Variants in PARP3 observed in about 807,000 individuals in gnomAD.
PARP3 encodes poly(ADP-ribose) polymerase family member 3.
In PARP3, 46 loss-of-function variants were observed where a neutral mutation model predicts 58.2. The ratio of observed to expected loss-of-function variants is 0.79; its 90% CI spans 0.62 to 1.01. The LOEUF is 1.01. Ranked by LOEUF, PARP3 falls within the 50% of genes least tolerant of loss-of-function variation. PARP3 has a pLI of 0.00. For synonymous variants in PARP3, 252 were observed against 266.4 expected (o/e 0.95, Z 0.53); for missense variants, 663 against 683.9 (o/e 0.97, Z 0.34).
In PARP3 at chr3:51,948,569, T is replaced by G; in HGVS notation, c.*89T>G. 8.7e-7 allele frequency: 1 copy of G among 1,144,464 alleles called. No individual in the cohort carries two copies. Among genetic ancestry groups the G allele is most frequent in the Non-Finnish European group, 1.3e-6 (1 of 789,372 alleles). The allele number at this position is 1,144,464 out of a possible 1,614,324, so 70.9% of individuals were successfully genotyped here. ...CTCTGGTACCCCTATATCACTCCTT[T>G]TTTTCAAGAATACAATACGTTGTTG... On this transcript the variant is annotated 3_prime_UTR_variant, in exon 11 of 11. Coordinates refer to ENST00000398755, the MANE Select transcript of PARP3 (RefSeq NM_001003931.4).
Position 51,945,848 on chromosome 3 carries a change from C to G in PARP3, c.1012-5C>G. On this transcript the variant is annotated splice_region_variant and splice_polypyrimidine_tract_variant and intron_variant, in intron 7 of 10. Transcript: ENST00000398755. ...CCTGGCAACCAGCTTCTGCTCTCCCCACAGGTGATACAGACCTACTTAGAA... is the reference window on the plus strand; with the variant it reads ...CCTGGCAACCAGCTTCTGCTCTCCCGACAGGTGATACAGACCTACTTAGAA... 1 of 1,613,166 alleles carries G rather than the reference C, an allele frequency of 6.2e-7. No individual in the cohort carries two copies. The highest frequency in any genetic ancestry group is 2.2e-5 in the East Asian group (1 of 44,870).
rs764962382 is a variant in PARP3 at position 51,943,457 on chromosome 3, GGCCCTCAAGGCCATACCCGCAGAGAA to G, written c.105_130del (p.Leu36HisfsTer20). ...AGGACCCCTTCCGCTCCACCGCTGAGGCCCTCAAGGCCATACCCGCAGAGAAGCGCATAATCCGCGTGGATCCAACA... is the reference window on the plus strand; with the variant it reads ...AGGACCCCTTCCGCTCCACCGCTGAGGCGCATAATCCGCGTGGATCCAACA... On this transcript the variant is annotated frameshift_variant, in exon 2 of 11. Transcript: ENST00000398755. LOFTEE classifies it high-confidence loss of function. 1 of 1,609,666 alleles carries G rather than the reference GGCCCTCAAGGCCATACCCGCAGAGAA, an allele frequency of 6.2e-7. No individual in the cohort carries two copies. The highest frequency in any genetic ancestry group is 8.5e-7 in the Non-Finnish European group (1 of 1,178,594).
Position 51,946,605 on chromosome 3 carries a change from G to T in PARP3, c.1276+262G>T, listed in dbSNP as rs556549920. Among the ~76,000 whole-genome samples the T allele has an allele frequency of 6.6e-6, 1 of 152,204 alleles. No homozygotes were observed. Among genetic ancestry groups the T allele is most frequent in the East Asian group, 1.9e-4 (1 of 5,174 alleles). On this transcript the variant is annotated intron_variant, in intron 9 of 10. Transcript: ENST00000398755. The surrounding 1 kb of genome is among the most constrained non-coding windows in gnomAD (Gnocchi z 4.6). ...AGACCTGGGAGGGGGTAAAAGGGGA[G>T]CCTTTGAGCCAGGTGTGGTGGCATA...
At position 51,946,254 on chromosome 3, in the gene PARP3, C is replaced by CTAGTGGGCTCCG; in HGVS notation, c.1188_1199dup (p.Ser397_Arg400dup). 6 of 1,614,096 alleles carry CTAGTGGGCTCCG rather than the reference C, an allele frequency of 3.7e-6. No homozygotes were observed. Among genetic ancestry groups the CTAGTGGGCTCCG allele is most frequent in the Non-Finnish European group, 5.1e-6 (6 of 1,179,974 alleles). On this transcript the variant is annotated inframe_insertion, in exon 9 of 11. Coordinates refer to ENST00000398755, the MANE Select transcript of PARP3 (RefSeq NM_001003931.4). This position sits in a 1 kb window ranked among gnomAD's most constrained non-coding sequence, Gnocchi z 4.6. ...ATGGCCGTGGTGGCCGCCATCCTCA[C>CTAGTGGGCTCCG]TAGTGGGCTCCGCATCATGCCACAT...
chr3:51,942,680 G>A lies in PARP3; in HGVS notation c.-31G>A, dbSNP rs1350459161. 3.3e-6 allele frequency: 5 copies of A among 1,527,598 alleles called. No individual in the cohort carries two copies. In the South Asian group the frequency reaches 3.6e-5, roughly 11 times the overall value. 94.6% of individuals were successfully genotyped at this position (1,527,598 alleles called of 1,614,324 possible). On this transcript the variant is annotated 5_prime_UTR_variant, in exon 1 of 11. Transcript: ENST00000398755. ...CACAACCAGGCCGGGTGGCAGCCAG[G>A]ACCTCTCCCATGTCCCTGCTTTTCT...
intron 1 of PARP3, chr3:51,942,911 T>G (rs1699578385): frequency 1.4e-6 from 2 of 1,417,490 alleles, no homozygotes; most frequent in Non-Finnish European, 9.2e-7. Flanking sequence ...CAGGATCCTC[T>G]GCCCACCCTC....
Position 51,946,049 on chromosome 3 carries a change from G to C in PARP3, c.1098+110G>C. 4.4e-6 allele frequency: 6 copies of C among 1,351,502 alleles called. No individual in the cohort carries two copies. Among genetic ancestry groups the C allele is most frequent in the Non-Finnish European group, 6.3e-6 (6 of 953,920 alleles). The allele number at this position is 1,351,502 out of a possible 1,614,324, so 83.7% of individuals were successfully genotyped here. A position where few individuals can be genotyped will look rare whatever the true frequency, so the allele number is the denominator to read the frequency against. ...TTAGCAGCTCTGGTCAGTTTCTGCC[G>C]GCCATGAGTGCGCGTGAGTAAGCAG... On this transcript the variant is annotated intron_variant, in intron 8 of 10. Transcript: ENST00000398755. The surrounding 1 kb of genome is among the most constrained non-coding windows in gnomAD (Gnocchi z 4.6).
Position 51,942,373 on chromosome 3 carries a change from C to T in PARP3, c.-338C>T. The stretch of plus-strand genomic sequence containing the variant: ...TCCGGGCCCAAGGTCACCGCGCGAC[C>T]GGCAGATGCGTGCTGCAGGCCCCGG... On this transcript the variant is annotated 5_prime_UTR_variant, in exon 1 of 11. Transcript: ENST00000398755. The T allele has an allele frequency of 5.7e-6, 3 of 527,810 alleles. No homozygotes were observed. Among genetic ancestry groups the T allele is most frequent in the Non-Finnish European group, 1.0e-5 (3 of 291,370 alleles). 32.7% of individuals were successfully genotyped at this position (527,810 alleles called of 1,614,324 possible).
At chr3:51,945,982 T>A (rs375151260) in intron 8 of PARP3, 43 bp downstream of exon 8, 2 of 1,535,266 alleles carry the variant, frequency 1.3e-6, no homozygotes, top group African/African-American at 2.7e-5. Context: ...CCACTGTGCC[T>A]TAGGAAGATG....
In PARP3 at chr3:51,946,094, C is replaced by G. The variant is rs899815903; in HGVS notation, c.1099-72C>G. On this transcript the variant is annotated intron_variant, in intron 8 of 10. Transcript: ENST00000398755. This position sits in a 1 kb window ranked among gnomAD's most constrained non-coding sequence, Gnocchi z 4.6. ...AAGCAGAGGGACACTAGGCCTTGGT[C>G]ACAAGCAGCAGGGCAAGGCGACTGA... 36 of 1,450,864 alleles carry G rather than the reference C, an allele frequency of 2.5e-5. No individual in the cohort carries two copies. The highest frequency in any genetic ancestry group is 3.3e-5 in the Non-Finnish European group (35 of 1,050,090). 89.9% of individuals were successfully genotyped at this position (1,450,864 alleles called of 1,614,324 possible). A position where few individuals can be genotyped will look rare whatever the true frequency, so the allele number is the denominator to read the frequency against.
At chr3:51,943,640 G>GC in intron 2 of PARP3, 102 bp downstream of exon 2, 2 of 1,111,090 alleles carry the variant, frequency 1.8e-6, no homozygotes, top group Non-Finnish European at 2.6e-6. Context: ...GGAGCCCAAG[G>GC]CCCCCAGGTA....
intron 7 of PARP3, 72 bp downstream of exon 7, chr3:51,945,716 C>T: frequency 1.7e-5 from 27 of 1,561,116 alleles, no homozygotes; most frequent in Non-Finnish European, 2.2e-5. Flanking sequence ...CCTCGAGGTG[C>T]CCAGAGGAAT....
In PARP3 at chr3:51,944,529, C is replaced by G; in HGVS notation, c.452C>G (p.Thr151Arg). 1.2e-6 allele frequency: 2 copies of G among 1,614,224 alleles called. No individual in the cohort carries two copies. Among genetic ancestry groups the G allele is most frequent in the East Asian group, 4.5e-5 (2 of 44,894 alleles). The change falls in exon 4 of 11, where the codon ACA (threonine) becomes AGA (arginine). Residue 151 changes from threonine (T) to arginine (R), a missense_variant. Around this residue, in one of 3 missense-constraint regions of PARP3, gnomAD observed 567 missense variants for 553.6 expected, o/e 1.02. Coordinates refer to ENST00000398755, the MANE Select transcript of PARP3 (RefSeq NM_001003931.4). This position sits in a 1 kb window ranked among gnomAD's most constrained non-coding sequence, Gnocchi z 4.2. ...TTTGTGTCTCACCCGGGCAAGTACA[C>G]ACTTATCGAAGTACAGGCAGAGGAT... ...DHFVSHPGKY[T>R]LIEVQAEDEA...
chr3:51,945,682 G>C, intron 7 of PARP3, 38 bp downstream of exon 7: 1 of 1,608,826 alleles, frequency 6.2e-7, no homozygotes, highest in Admixed American at 1.7e-5. Flanking sequence ...GCTATCAGTG[G>C]GCACTGTCCC....
chr3:51,945,415 A>G, intron 6 of PARP3, 80 bp from the exon 7 acceptor site: 1 of 1,518,568 alleles, frequency 6.6e-7, no homozygotes. Context: ...TGGGGTGGCT[A>G]CAATACCAGT....
intron 9 of PARP3, 116 bp from the exon 10 acceptor site, chr3:51,947,624 G>A: frequency 7.2e-6 from 8 of 1,109,770 alleles, no homozygotes; most frequent in Middle Eastern, 2.5e-4. Context: ...GGGAGAGTGA[G>A]CCTTTTCTTG....
At chr3:51,947,508 C>T (rs1699707664) in intron 9 of PARP3, 11 of 550,472 alleles carry the variant, frequency 2.0e-5, no homozygotes, top group Admixed American at 3.2e-5. Context: ...CACTGGGAGG[C>T]CATTGCTGAC....
At chr3:51,947,637 G>A in intron 9 of PARP3, 103 bp from the exon 10 acceptor site, 4 of 1,284,766 alleles carry the variant, frequency 3.1e-6, no homozygotes, top group Middle Eastern at 2.1e-4. Context: ...TTTTCTTGCT[G>A]GAGCAGCAAA....
rs1237387599 is a variant in PARP3 at position 51,946,914 on chromosome 3, CGAGGAGGCTTTATCCA to C, written c.1276+575_1276+590del. On this transcript the variant is annotated intron_variant, in intron 9 of 10. Transcript: ENST00000398755. This position sits in a 1 kb window ranked among gnomAD's most constrained non-coding sequence, Gnocchi z 4.6. ...GGGTGGGCTAGGGGCCCAGAACGAT[CGAGGAGGCTTTATCCA>C]GAGAGTGATGGTTAGCCCAGCTGGA... 6.6e-6 allele frequency among the ~76,000 whole-genome samples: 1 copy of C among 152,156 alleles called. No individual in the cohort carries two copies. Among genetic ancestry groups the C allele is most frequent in the Non-Finnish European group, 1.5e-5 (1 of 68,038 alleles).
Sources: allele counts gnomAD v4.1 joint callset (sites outside exome capture counted in the v4.1 genomes callset), GRCh38; gene constraint gnomAD v4.1.1; regional missense constraint gnomAD v4.1.1; non-coding constraint Gnocchi (gnomAD v3.1); transcripts MANE v1.5; gene names NCBI Gene and HGNC (gene_info 2026-07-23, HGNC 2026-07-21).